GRID2: variants seen among roughly 807,000 people sequenced by gnomAD.
GRID2 encodes the protein glutamate receptor ionotropic, delta-2.
GRID2 carries 33 observed loss-of-function variants against 114.8 expected under a neutral mutation model. That is an observed-to-expected ratio of 0.29 (90% CI 0.22 to 0.38). The LOEUF (loss-of-function observed/expected upper bound fraction) is 0.38, where lower values mean the gene tolerates loss of function less well. GRID2 is among the 10% of genes least tolerant of loss of function. GRID2 has a pLI of 1.00. For synonymous variants in GRID2, 505 were observed against 449.9 expected (o/e 1.12, Z -1.55); for missense variants, 1,184 against 1,257.7 (o/e 0.94, Z 0.89).
chr4:92,445,549 G>A (rs573066714), intron 1 of GRID2, among the ~76,000 whole-genome samples: 1 of 152,266 alleles, frequency 6.6e-6, no homozygotes, highest in East Asian at 1.9e-4. Flanking sequence ...TATTCAAAAG[G>A]AGCAATGGTG....
At chr4:92,620,039 A>G (rs12645042) in intron 2 of GRID2, among the ~76,000 whole-genome samples, 8,418 of 151,766 alleles carry the variant, frequency 0.055, 301 homozygotes, top group East Asian at 0.16. Flanking sequence ...GAAAAGAAGA[A>G]TGTCAGAAAT....
At chr4:93,581,786 C>T (rs905109466) in intron 13 of GRID2, among the ~76,000 whole-genome samples, 4 of 152,068 alleles carry the variant, frequency 2.6e-5, no homozygotes, top group African/African-American at 9.7e-5. Flanking sequence ...TCTATCAATC[C>T]TGCATTATTG....
At chr4:93,316,328 GA>G (rs1359506467) in intron 8 of GRID2, among the ~76,000 whole-genome samples, 2 of 49,984 alleles carry the variant, frequency 4.0e-5, no homozygotes, top group African/African-American at 1.7e-4. Flanking sequence ...AAGAAAGAAA[GA>G]AAGAAAGAAA....
chr4:93,147,743 T>G (rs1293507252), intron 4 of GRID2, among the ~76,000 whole-genome samples: 3 of 152,320 alleles, frequency 2.0e-5, no homozygotes, highest in Non-Finnish European at 2.9e-5. Flanking sequence ...TCCATTCTAC[T>G]CCAGTGCTCT....
chr4:93,779,897 T>A (rs1405829894), intron 1 of GRID2, among the ~76,000 whole-genome samples: 1 of 152,200 alleles, frequency 6.6e-6, no homozygotes, highest in Admixed American at 6.5e-5. Context: ...GCGGGATGCC[T>A]GGAGGCTGAG....
intron 2 of GRID2, among the ~76,000 whole-genome samples, chr4:92,945,471 C>T (rs145214631): frequency 6.6e-6 from 1 of 152,082 alleles, no homozygotes; most frequent in African/African-American, 2.4e-5. Flanking sequence ...AGGTTTTTTA[C>T]AACATACTAT....
At chr4:93,593,267 C>T (rs1467711746) in intron 13 of GRID2, among the ~76,000 whole-genome samples, 1 of 145,796 alleles carries the variant, frequency 6.9e-6, no homozygotes, top group African/African-American at 2.5e-5. Flanking sequence ...CAAAATCTTT[C>T]AGCATTTGCT....
intron 1 of GRID2, among the ~76,000 whole-genome samples, chr4:92,310,808 A>G (rs1725663696): frequency 2.0e-5 from 3 of 152,064 alleles, no homozygotes; most frequent in Non-Finnish European, 2.9e-5. Context: ...AAGGAGGAAC[A>G]GAAAGGAATT....
intron 8 of GRID2, among the ~76,000 whole-genome samples, chr4:93,361,823 G>GT (rs1333575600): frequency 4.6e-5 from 7 of 151,330 alleles, no homozygotes; most frequent in Admixed American, 1.3e-4. Flanking sequence ...CCTGCTGCTA[G>GT]TTTTTTTTTA....
chr4:92,857,163 C>T (rs1054375423), intron 2 of GRID2, among the ~76,000 whole-genome samples: 4 of 152,116 alleles, frequency 2.6e-5, no homozygotes, highest in Admixed American at 6.6e-5. Context: ...CTTCCTATTT[C>T]TTGAGACAAA....
intron 5 of GRID2, among the ~76,000 whole-genome samples, chr4:93,210,664 G>A (rs1743359744): frequency 1.3e-5 from 2 of 152,160 alleles, no homozygotes; most frequent in South Asian, 2.1e-4. Context: ...TACTTTGGGA[G>A]AAATAGCCTC....
chr4:92,505,779 T>A (rs956415102), intron 1 of GRID2, among the ~76,000 whole-genome samples: 5 of 152,066 alleles, frequency 3.3e-5, no homozygotes, highest in Non-Finnish European at 7.4e-5. Context: ...TATCTTTTAG[T>A]GCAATGTATA....
At chr4:92,778,595 A>C (rs1738917696) in intron 2 of GRID2, among the ~76,000 whole-genome samples, 2 of 152,092 alleles carry the variant, frequency 1.3e-5, no homozygotes, top group African/African-American at 2.4e-5. Flanking sequence ...TAAACGGTAT[A>C]TATCTTTGGC....
At chr4:93,736,274 C>T (rs545853266) in intron 14 of GRID2, among the ~76,000 whole-genome samples, 9 of 151,980 alleles carry the variant, frequency 5.9e-5, no homozygotes, top group African/African-American at 2.2e-4. Context: ...TTTTAAGACC[C>T]ACTATAGCAC....
chr4:92,974,858 A>G (rs953808520), intron 2 of GRID2, among the ~76,000 whole-genome samples: 2 of 151,906 alleles, frequency 1.3e-5, no homozygotes, highest in African/African-American at 2.4e-5. Context: ...CAAACAACAA[A>G]AAAAGTGTTG....
At chr4:92,575,060 T>C (rs1032664467) in intron 1 of GRID2, among the ~76,000 whole-genome samples, 4 of 152,238 alleles carry the variant, frequency 2.6e-5, no homozygotes, top group African/African-American at 9.6e-5. Context: ...TTCAGAAATA[T>C]AGTCTTCAAG....
intron 14 of GRID2, among the ~76,000 whole-genome samples, chr4:93,688,631 C>A (rs1162960872): frequency 6.6e-6 from 1 of 152,004 alleles, no homozygotes; most frequent in East Asian, 1.9e-4. Context: ...CATTATATTT[C>A]TTCCTTTAAG....
chr4:92,816,412 T>C (rs1740921007), intron 2 of GRID2, among the ~76,000 whole-genome samples: 1 of 152,114 alleles, frequency 6.6e-6, no homozygotes, highest in Non-Finnish European at 1.5e-5. Flanking sequence ...TCTTCAAATT[T>C]ATTCACATTA....
chr4:92,520,712 G>A (rs1724728279), intron 1 of GRID2, among the ~76,000 whole-genome samples: 1 of 151,878 alleles, frequency 6.6e-6, no homozygotes, highest in African/African-American at 2.4e-5. Flanking sequence ...TGCTAAGCTG[G>A]AACAGTGACT....
Sources: gnomAD v4.1 joint callset for allele counts (sites outside exome capture counted in the v4.1 genomes callset) on GRCh38, gnomAD v4.1.1 for gene constraint, MANE v1.5 for transcripts, NCBI Gene and HGNC (gene_info 2026-07-23, HGNC 2026-07-21) for gene names.